Variants in APLP2 observed in about 807,000 individuals in gnomAD.
APLP2 encodes the protein amyloid beta precursor like protein 2, also known as CDEI box-binding protein.
APLP2 carries 53 observed loss-of-function variants against 89.9 expected under a neutral mutation model. The observed-to-expected ratio is 0.59, with a 90% CI of 0.47 to 0.74. APLP2 has a LOEUF of 0.74. Ranked by LOEUF, APLP2 falls within the 30% of genes least tolerant of loss-of-function variation. The pLI is 0.00. For synonymous variants in APLP2, 372 were observed against 348.6 expected (o/e 1.07, Z -0.75); for missense variants, 973 against 975.9 (o/e 1.00, Z 0.04).
At chr11:130,078,686 G>C (rs182163339) in intron 1 of APLP2, among the ~76,000 whole-genome samples, 1 of 151,954 alleles carries the variant, frequency 6.6e-6, no homozygotes, top group Admixed American at 6.6e-5. Context: ...TTTCCTTATG[G>C]ATATCTGGCC....
intron 1 of APLP2, among the ~76,000 whole-genome samples, chr11:130,087,332 G>A (rs913011859): frequency 2.0e-5 from 3 of 152,138 alleles, no homozygotes; most frequent in African/African-American, 7.2e-5. Context: ...CCTTCCTTGT[G>A]TCTTAAATTC....
chr11:130,073,600 T>C (rs1565543933), intron 1 of APLP2, among the ~76,000 whole-genome samples: 2 of 152,208 alleles, frequency 1.3e-5, no homozygotes, highest in Admixed American at 1.3e-4. Flanking sequence ...CCTAGCACTT[T>C]GGGAGGCCGA....
At chr11:130,129,957 T>A (rs1465503344) in intron 10 of APLP2, 81 bp from the exon 11 acceptor site, 2 of 1,507,728 alleles carry the variant, frequency 1.3e-6, no homozygotes. Context: ...CATTCTTAAG[T>A]GAACTTTTTA....
chr11:130,072,235 G>A (rs984497050), intron 1 of APLP2, among the ~76,000 whole-genome samples: 2 of 152,154 alleles, frequency 1.3e-5, no homozygotes, highest in African/African-American at 4.8e-5. Context: ...CTGAAACCCC[G>A]CATACTGTGC....
intron 1 of APLP2, among the ~76,000 whole-genome samples, chr11:130,105,426 G>T (rs1232281914): frequency 6.6e-6 from 1 of 152,146 alleles, no homozygotes; most frequent in Admixed American, 6.5e-5. Flanking sequence ...AAAAAAAAAG[G>T]GTGGGGGCAT....
chr11:130,090,893 G>A (rs1944905762), intron 1 of APLP2, among the ~76,000 whole-genome samples: 2 of 145,872 alleles, frequency 1.4e-5, no homozygotes, highest in African/African-American at 5.2e-5. Flanking sequence ...GGGCGGGGGG[G>A]CTGACCCCCC....
intron 4 of APLP2, 57 bp downstream of exon 4, chr11:130,120,875 C>CT: frequency 2.5e-6 from 3 of 1,191,194 alleles, no homozygotes; most frequent in Non-Finnish European, 3.8e-6. Flanking sequence ...AGGGAAGTAG[C>CT]ACTTTTCTCC....
chr11:130,081,235 C>A (rs904100140), intron 1 of APLP2, among the ~76,000 whole-genome samples: 1 of 151,986 alleles, frequency 6.6e-6, no homozygotes, highest in African/African-American at 2.4e-5. Flanking sequence ...TGGGATCACA[C>A]TTGATGGTTT....
intron 7 of APLP2, among the ~76,000 whole-genome samples, chr11:130,124,128 G>C (rs1413856232): frequency 6.6e-6 from 1 of 152,312 alleles, no homozygotes; most frequent in East Asian, 1.9e-4. Flanking sequence ...GGGGAAGGCA[G>C]CTGTCCCCTG....
rs772429507 is a variant in APLP2, at chr11:130,070,719, C to T, written c.105+637C>T. 23 of 1,470,092 alleles carry T rather than the reference C, an allele frequency of 1.6e-5. No homozygotes were observed. In the South Asian group the frequency reaches 2.1e-4, roughly 13 times the overall value. 91.1% of individuals were successfully genotyped at this position (1,470,092 alleles called of 1,614,324 possible). On this transcript the variant is annotated intron_variant, in intron 1 of 16. Transcript: ENST00000338167. Reference sequence around the variant, plus strand: ...TTTTTTAAGTGGCGCTGTTTGCCTGCGTCCGTAGACCGAGGAAACCCGCTC... The same window carrying T: ...TTTTTTAAGTGGCGCTGTTTGCCTGTGTCCGTAGACCGAGGAAACCCGCTC...
chr11:130,093,348 G>A (rs939590131), intron 1 of APLP2, among the ~76,000 whole-genome samples: 3 of 152,208 alleles, frequency 2.0e-5, no homozygotes, highest in Non-Finnish European at 4.4e-5. Context: ...TGAAGGCAAT[G>A]TAGGGAATAG....
chr11:130,114,746 T>A (rs11607600), intron 3 of APLP2, among the ~76,000 whole-genome samples: 1 of 152,228 alleles, frequency 6.6e-6, no homozygotes, highest in Admixed American at 6.5e-5. Context: ...ATTTGTTTTT[T>A]GTTTTTGGTT....
rs567743688 is a variant in APLP2 at position 130,105,855 on chromosome 11, C to T, written c.106-3574C>T. Among the ~76,000 whole-genome samples, 19 of 152,230 alleles carry T rather than the reference C, an allele frequency of 1.2e-4. No individual in the cohort carries two copies. The East Asian group carries it at 3.7e-3, about 29-fold the overall frequency. The stretch of plus-strand genomic sequence containing the variant: ...AGTAGCTGGGACTACAGGCATGTGC[C>T]ACCACACCCGGCTAATTTTGTATTT... On this transcript the variant is annotated intron_variant, in intron 1 of 16. Transcript: ENST00000338167.
chr11:130,107,774 A>G (rs1273743333), intron 1 of APLP2, among the ~76,000 whole-genome samples: 1 of 152,228 alleles, frequency 6.6e-6, no homozygotes, highest in Non-Finnish European at 1.5e-5. Context: ...CTAAGCCAAA[A>G]GAACAAAGCT....
At chr11:130,107,263 A>G (rs1229114259) in intron 1 of APLP2, among the ~76,000 whole-genome samples, 1 of 152,260 alleles carries the variant, frequency 6.6e-6, no homozygotes, top group East Asian at 1.9e-4. Flanking sequence ...GCAAAGGATT[A>G]GAAAGTAGAT....
chr11:130,130,611 A>G (rs1172434828), intron 11 of APLP2, among the ~76,000 whole-genome samples: 1 of 152,270 alleles, frequency 6.6e-6, no homozygotes, highest in East Asian at 1.9e-4. Flanking sequence ...TACTTCTAAT[A>G]TTGGTGTTGT....
At chr11:130,137,320 G>A in intron 13 of APLP2, 1 of 1,602,460 alleles carries the variant, frequency 6.2e-7, no homozygotes, top group African/African-American at 1.3e-5. Context: ...TTCCCTTTAA[G>A]ACCTTCATTC....
Position 130,135,710 on chromosome 11 carries a change from A to G in APLP2, c.1832A>G (p.Asn611Ser). ...CACCCCTTCCCAGCCCTACCTGAGA[A>G]CGAAGGTGTGTATGGGCGACGGTGC... is the stretch of plus-strand genomic sequence containing the variant. The part of the protein sequence containing the change: ...PFHPFPALPE[N>S]EGSGVGEQDG... The change falls in exon 13 of 17, where the codon AAC becomes AGC. Residue 611 changes from asparagine to serine, a missense_variant. By Grantham distance (46) the Asn-to-Ser change is conservative. Coordinates refer to ENST00000338167, the MANE Select transcript of APLP2 (RefSeq NM_001142276.2). The G allele has an allele frequency of 6.2e-7, 1 of 1,614,004 alleles. No homozygotes were observed. The highest frequency in any genetic ancestry group is 1.1e-5 in the South Asian group (1 of 91,074).
At chr11:130,138,581 GTTT>G (rs34805457) in intron 13 of APLP2, among the ~76,000 whole-genome samples, 1 of 91,388 alleles carries the variant, frequency 1.1e-5, no homozygotes, top group African/African-American at 5.2e-5. Context: ...CTGGTGGTAG[GTTT>G]TTTTTTTTTT....
Sources: allele counts gnomAD v4.1 joint callset (sites outside exome capture counted in the v4.1 genomes callset), GRCh38; gene constraint gnomAD v4.1.1; transcripts MANE v1.5; gene names NCBI Gene and HGNC (gene_info 2026-07-23, HGNC 2026-07-21).